The following HMCN1 variants were observed in gnomAD, a reference collection of about 807,000 sequenced individuals.
HMCN1 encodes the protein hemicentin 1.
A neutral mutation model predicts 625.9 loss-of-function variants in HMCN1; 321 were observed. That is an observed-to-expected ratio of 0.51 (90% CI 0.47 to 0.56). HMCN1 has a LOEUF of 0.56. HMCN1 is among the 20% of genes least tolerant of loss of function. HMCN1 has a pLI of 0.00. For missense variants in HMCN1, 6,588 were observed against 6,887.3 expected, an observed-to-expected ratio of 0.96 and a Z score of 1.54; for synonymous variants, 2,425 against 2,417.6, an observed-to-expected ratio of 1.00 and a Z score of -0.09.
chr1:186,164,697 T>C (rs1651765338), intron 97 of HMCN1, among the ~76,000 whole-genome samples: 1 of 152,208 alleles, frequency 6.6e-6, no homozygotes, highest in African/African-American at 2.4e-5. Flanking sequence ...TCACAGAGTT[T>C]CTATTTTTCA....
intron 6 of HMCN1, among the ~76,000 whole-genome samples, chr1:185,915,549 TA>T (rs1571553025): frequency 6.6e-6 from 1 of 152,200 alleles, no homozygotes; most frequent in East Asian, 1.9e-4. Flanking sequence ...TACATTTGGA[TA>T]AACTGTCTTT....
intron 105 of HMCN1, among the ~76,000 whole-genome samples, chr1:186,183,925 C>G (rs1430253702): frequency 6.6e-6 from 1 of 152,186 alleles, no homozygotes; most frequent in African/African-American, 2.4e-5. Context: ...ACCACACCCC[C>G]TCCAGGTACC....
At chr1:185,884,742 A>C (rs1237090728) in intron 4 of HMCN1, among the ~76,000 whole-genome samples, 2 of 152,052 alleles carry the variant, frequency 1.3e-5, no homozygotes, top group African/African-American at 2.4e-5. Flanking sequence ...TTTGTGAGGA[A>C]TATTTTATAG....
chr1:186,076,844 C>T (rs570919315), intron 54 of HMCN1, among the ~76,000 whole-genome samples: 9 of 152,260 alleles, frequency 5.9e-5, no homozygotes, highest in East Asian at 5.8e-4. Context: ...AGATCTACTA[C>T]GCATCACTCT....
intron 2 of HMCN1, among the ~76,000 whole-genome samples, chr1:185,853,429 G>T (rs1438478451): frequency 6.6e-6 from 1 of 152,180 alleles, no homozygotes; most frequent in African/African-American, 2.4e-5. Context: ...TATATCTACT[G>T]TAGGTACATT....
intron 6 of HMCN1, among the ~76,000 whole-genome samples, chr1:185,913,284 G>C (rs921390172): frequency 1.3e-5 from 2 of 152,102 alleles, no homozygotes; most frequent in Non-Finnish European, 2.9e-5. Flanking sequence ...CCAGTTCCTT[G>C]CACATAATGC....
intron 1 of HMCN1, among the ~76,000 whole-genome samples, chr1:185,775,558 C>T (rs1462923195): frequency 1.3e-5 from 2 of 152,170 alleles, no homozygotes. Flanking sequence ...AACAGGCTGG[C>T]TCCTATGGTT....
chr1:185,769,266 G>A (rs1656070330), intron 1 of HMCN1, among the ~76,000 whole-genome samples: 2 of 151,976 alleles, frequency 1.3e-5, no homozygotes, highest in Non-Finnish European at 2.9e-5. Context: ...TGAGTAACAT[G>A]TCAGGACTTC....
At chr1:186,062,637 C>G (rs776884441) in intron 48 of HMCN1, 37 bp downstream of exon 48, 3 of 1,343,784 alleles carry the variant, frequency 2.2e-6, no homozygotes, top group South Asian at 2.3e-5. Flanking sequence ...GTGCTCCCCC[C>G]ACTCACTGAT....
intron 1 of HMCN1, among the ~76,000 whole-genome samples, chr1:185,845,563 G>A (rs1661761847): frequency 6.6e-6 from 1 of 152,138 alleles, no homozygotes. Flanking sequence ...GGCAGTGAAT[G>A]TTCACTTTTT....
intron 4 of HMCN1, among the ~76,000 whole-genome samples, chr1:185,885,608 A>G (rs1420744472): frequency 1.3e-5 from 2 of 151,870 alleles, no homozygotes; most frequent in East Asian, 3.9e-4. Context: ...AGTCCTCTAA[A>G]TTAGGTTTCT....
intron 1 of HMCN1, among the ~76,000 whole-genome samples, chr1:185,777,601 G>A (rs536489619): frequency 5.9e-5 from 9 of 152,010 alleles, no homozygotes; most frequent in Middle Eastern, 6.8e-3. Flanking sequence ...ACAGGCATGC[G>A]CCACCACACC....
intron 15 of HMCN1, among the ~76,000 whole-genome samples, chr1:185,974,141 A>G (rs992520707): frequency 6.6e-6 from 1 of 152,188 alleles, no homozygotes; most frequent in Non-Finnish European, 1.5e-5. Flanking sequence ...CCCTGTGCAG[A>G]TCTCAAGATG....
chr1:185,874,696 A>T (rs1336858241), intron 4 of HMCN1, among the ~76,000 whole-genome samples: 1 of 151,996 alleles, frequency 6.6e-6, no homozygotes, highest in Admixed American at 6.6e-5. Flanking sequence ...CTTTGGTATA[A>T]GTGACTGAAT....
intron 15 of HMCN1, among the ~76,000 whole-genome samples, chr1:185,975,849 T>C (rs905645361): frequency 3.9e-5 from 6 of 152,090 alleles, no homozygotes; most frequent in African/African-American, 1.2e-4. Flanking sequence ...GAAAGTTCAA[T>C]GTACTGGGTG....
At chr1:185,835,091 C>T (rs980826253) in intron 1 of HMCN1, among the ~76,000 whole-genome samples, 21 of 152,148 alleles carry the variant, frequency 1.4e-4, no homozygotes, top group African/African-American at 4.6e-4. Context: ...AGGTCAATTA[C>T]TGCATTTTGG....
chr1:186,078,652 T>C (rs938192751), intron 55 of HMCN1, among the ~76,000 whole-genome samples: 5 of 152,164 alleles, frequency 3.3e-5, no homozygotes, highest in Non-Finnish European at 7.3e-5. Flanking sequence ...AGTTCCACAT[T>C]CAAATGAAAG....
chr1:186,188,183 T>A (rs1301704533), intron 106 of HMCN1, among the ~76,000 whole-genome samples, 174 bp downstream of exon 106: 1 of 152,164 alleles, frequency 6.6e-6, no homozygotes, highest in East Asian at 1.9e-4. Flanking sequence ...AATGAGCTCA[T>A]CCTGCAGCAG....
At position 186,160,055 on chromosome 1, in the gene HMCN1, C is replaced by A. The variant is rs546210385; in HGVS notation, c.15257-5056C>A. Among the ~76,000 whole-genome samples, 42 of 151,088 alleles carry A rather than the reference C, an allele frequency of 2.8e-4. 1 individual carries two copies. In the East Asian group the frequency reaches 4.7e-3, roughly 17 times the overall value. On this transcript the variant is annotated intron_variant, in intron 97 of 106. Transcript: ENST00000271588. ...GGCTGTGAATCCATCTGGTCCTGGA[C>A]TCTTTTTGGTTGGTAAGCTATTGAT...
Sources: allele counts gnomAD v4.1 joint callset (sites outside exome capture counted in the v4.1 genomes callset), GRCh38; gene constraint gnomAD v4.1.1; transcripts MANE v1.5; gene names NCBI Gene and HGNC (gene_info 2026-07-23, HGNC 2026-07-21).